The following DNAH3 variants were observed in gnomAD, a reference collection of about 807,000 sequenced individuals.
The protein encoded by DNAH3 is dynein axonemal heavy chain 3.
DNAH3 carries 332 observed loss-of-function variants against 432.5 expected under a neutral mutation model. The observed-to-expected ratio is 0.77, with a 90% CI of 0.70 to 0.84. The LOEUF (loss-of-function observed/expected upper bound fraction) is 0.84, where lower values mean the gene tolerates loss of function less well. Among genes scored for constraint, DNAH3 ranks in the 40% least tolerant of loss-of-function variants. The pLI is 0.00. For missense variants in DNAH3, 4,861 were observed against 5,114.0 expected, an observed-to-expected ratio of 0.95 and a Z score of 1.51; for synonymous variants, 1,956 against 1,900.2, an observed-to-expected ratio of 1.03 and a Z score of -0.76.
At chr16:20,970,126 C>T (rs1368437056) in intron 51 of DNAH3, 136 bp from the exon 52 acceptor site, 13 of 804,678 alleles carry the variant, frequency 1.6e-5, no homozygotes, top group Middle Eastern at 3.5e-4. Context: ...TGGTGCCTGC[C>T]GCTGGAGCTG....
In DNAH3 at chr16:21,159,375, G is replaced by T; in HGVS notation, c.67C>A (p.Arg23Ser). The change falls in exon 1 of 62, where the codon CGT becomes AGT. Residue 23 changes from arginine (R) to serine (S), a missense_variant. Arg to Ser is a moderately radical substitution (Grantham distance 110). Transcript: ENST00000261383. ...CCTTGGGTCTCCCTGGCTTTTGAAC[G>T]CTGAAAGGCTGGGCCCGGATGGGGA... 3 of 1,614,032 alleles carry T rather than the reference G, an allele frequency of 1.9e-6. No homozygotes were observed. Among genetic ancestry groups the T allele is most frequent in the Non-Finnish European group, 2.5e-6 (3 of 1,180,014 alleles).
At chr16:21,146,109 G>T (rs2092779885) in intron 1 of DNAH3, 21 bp from the exon 3 acceptor site, 4 of 1,545,804 alleles carry the variant, frequency 2.6e-6, no homozygotes, top group Non-Finnish European at 3.6e-6. Flanking sequence ...TGGGAACAAA[G>T]TCACCCTTCA....
intron 44 of DNAH3, among the ~76,000 whole-genome samples, chr16:20,990,053 G>T (rs971934449): frequency 6.6e-6 from 1 of 152,222 alleles, no homozygotes; most frequent in Non-Finnish European, 1.5e-5. Flanking sequence ...CTGAGGGAGT[G>T]GGCTCCGGCC....
At chr16:20,968,334 G>T (rs1371024597) in intron 52 of DNAH3, among the ~76,000 whole-genome samples, 1 of 152,184 alleles carries the variant, frequency 6.6e-6, no homozygotes, top group African/African-American at 2.4e-5. Flanking sequence ...CTCCCAAAGT[G>T]CTGGGATTAC....
At chr16:21,030,045 T>C (rs149335171) in intron 37 of DNAH3, among the ~76,000 whole-genome samples, 2,424 of 152,218 alleles carry the variant, frequency 0.016, 64 homozygotes, top group African/African-American at 0.056. Context: ...AAACTGGTCT[T>C]GAACTCCTGG....
chr16:20,998,765 G>A (rs954872089), intron 43 of DNAH3, among the ~76,000 whole-genome samples: 3 of 149,000 alleles, frequency 2.0e-5, no homozygotes, highest in Admixed American at 6.7e-5. Context: ...AAAAAAAAAG[G>A]GGGGGGCTCC....
chr16:21,063,617 A>G (rs2090443075), intron 24 of DNAH3, among the ~76,000 whole-genome samples: 1 of 151,422 alleles, frequency 6.6e-6, no homozygotes, highest in Admixed American at 6.6e-5. Context: ...ATCCTGGCTC[A>G]CTACAGCCTT....
chr16:20,948,402 G>A, intron 57 of DNAH3, 81 bp downstream of exon 57: 1 of 1,449,220 alleles, frequency 6.9e-7, no homozygotes, highest in South Asian at 1.3e-5. Context: ...GGGATCCCTG[G>A]CTACACTGCA....
At chr16:21,148,997 G>A (rs182377689) in intron 1 of DNAH3, among the ~76,000 whole-genome samples, 141 of 152,222 alleles carry the variant, frequency 9.3e-4, no homozygotes, top group Non-Finnish European at 1.5e-3. Flanking sequence ...TTGGGAGGCC[G>A]AGGCGGGTGG....
At chr16:21,147,877 A>T (rs996718268) in intron 1 of DNAH3, among the ~76,000 whole-genome samples, 1 of 152,232 alleles carries the variant, frequency 6.6e-6, no homozygotes, top group Non-Finnish European at 1.5e-5. Context: ...GGGACTAGTG[A>T]TGGAGAAACT....
chr16:20,976,026 T>C (rs1309946876), intron 50 of DNAH3, among the ~76,000 whole-genome samples: 2 of 152,100 alleles, frequency 1.3e-5, no homozygotes, highest in Non-Finnish European at 2.9e-5. Flanking sequence ...ATTACAGGCA[T>C]GAGCCACCAC....
At chr16:21,110,193 T>C (rs2092038066) in intron 14 of DNAH3, among the ~76,000 whole-genome samples, 1 of 152,348 alleles carries the variant, frequency 6.6e-6, no homozygotes, top group South Asian at 2.1e-4. Context: ...CCATTACCTC[T>C]TTCTGTAACA....
chr16:20,990,506 G>A (rs993309760), intron 44 of DNAH3, among the ~76,000 whole-genome samples: 1 of 152,016 alleles, frequency 6.6e-6, no homozygotes, highest in Admixed American at 6.5e-5. Flanking sequence ...CATTTTAATC[G>A]TGCTAAAAAG....
chr16:20,955,122 AAAAC>A, intron 54 of DNAH3, 65 bp from the exon 55 acceptor site: 1 of 1,476,280 alleles, frequency 6.8e-7, no homozygotes, highest in Non-Finnish European at 9.1e-7. Context: ...AGCAACAACA[AAAAC>A]AAAACAATAA....
At chr16:21,041,678 G>T (rs1329181728) in intron 32 of DNAH3, among the ~76,000 whole-genome samples, 3 of 151,806 alleles carry the variant, frequency 2.0e-5, no homozygotes, top group Non-Finnish European at 2.9e-5. Flanking sequence ...CTTTCGCTTT[G>T]TTTTTTTTGA....
chr16:21,046,849 G>C (rs907963347), intron 31 of DNAH3, among the ~76,000 whole-genome samples: 34 of 151,706 alleles, frequency 2.2e-4, no homozygotes, highest in African/African-American at 7.0e-4. Context: ...CTTCCTTCAG[G>C]AGCTCTTGTA....
Position 20,984,131 on chromosome 16 carries a change from C to A in DNAH3, c.7665+946G>T, listed in dbSNP as rs148699783. 1.1e-3 allele frequency among the ~76,000 whole-genome samples: 166 copies of A among 151,350 alleles called. 1 individual carries two copies. Among genetic ancestry groups the A allele is most frequent in the African/African-American group, 3.9e-3 (160 of 41,184 alleles). On this transcript the variant is annotated intron_variant, in intron 48 of 61. Transcript: ENST00000261383. ...AGGTGGCCTTATGGCATTATGAGACCGCAGGTTAGTAATTTTGGTCCTTAT... is the reference window on the plus strand; with the variant it reads ...AGGTGGCCTTATGGCATTATGAGACAGCAGGTTAGTAATTTTGGTCCTTAT...
chr16:21,127,873 G>A, intron 7 of DNAH3, 61 bp from the exon 9 acceptor site: 1 of 1,594,244 alleles, frequency 6.3e-7, no homozygotes, highest in Non-Finnish European at 8.6e-7. Flanking sequence ...AATCCCGCAG[G>A]ACAGGTTCCA....
intron 1 of DNAH3, chr16:21,150,294 T>C (rs1214113855): frequency 6.6e-6 from 3 of 455,124 alleles, no homozygotes; most frequent in Non-Finnish European, 1.3e-5. Context: ...ACCTACCTTC[T>C]GAGATGAGCA....
Sources: allele counts gnomAD v4.1 joint callset (sites outside exome capture counted in the v4.1 genomes callset), GRCh38; gene constraint gnomAD v4.1.1; transcripts MANE v1.5; gene names NCBI Gene and HGNC (gene_info 2026-07-23, HGNC 2026-07-21).